The following PSMG2 variants were observed in gnomAD, a reference collection of about 807,000 sequenced individuals.
PSMG2 encodes the protein CD40 ligand-activated specific transcript 3.
PSMG2 carries 21 observed loss-of-function variants against 31.5 expected under a neutral mutation model. That is an observed-to-expected ratio of 0.67 (90% CI 0.47 to 0.96). The LOEUF is 0.96. PSMG2 is among the 40% of genes least tolerant of loss of function. PSMG2 has a pLI of 0.00. For missense variants in PSMG2, 318 were observed against 321.2 expected (o/e 0.99, Z 0.08); for synonymous variants, 120 against 110.4 (o/e 1.09, Z -0.54).
intron 1 of PSMG2, among the ~76,000 whole-genome samples, chr18:12,693,209 TATAAATATGACAGTGGAA>T (rs1476992819): frequency 1.3e-5 from 2 of 152,156 alleles, no homozygotes; most frequent in African/African-American, 2.4e-5. Flanking sequence ...CACTAGAAAT[TATAAATATGACAGTGGAA>T]ATATAAGAAA....
chr18:12,699,433 C>G (rs993328682), upstream of PSMG2, among the ~76,000 whole-genome samples: 1 of 152,128 alleles, frequency 6.6e-6, no homozygotes, highest in African/African-American at 2.4e-5. Context: ...CTACTTTCTC[C>G]CAGCTGGAAA....
chr18:12,703,023 T>C (rs373976110), upstream of PSMG2: 8 of 1,489,954 alleles, frequency 5.4e-6, no homozygotes, highest in Non-Finnish European at 7.3e-6. Context: ...CCCGCGAGGC[T>C]CCGGGGTCTC....
rs766707253 is a variant in PSMG2, at chr18:12,720,753, T to C, written c.581+70T>C. 2.7e-4 allele frequency: 401 copies of C among 1,468,532 alleles called. 1 individual carries two copies. The highest frequency in any genetic ancestry group is 2.7e-3 in the Middle Eastern group (15 of 5,660). 91.0% of individuals were successfully genotyped at this position (1,468,532 alleles called of 1,614,324 possible). On this transcript the variant is annotated intron_variant, in intron 5 of 6. Coordinates refer to ENST00000317615, the MANE Select transcript of PSMG2 (RefSeq NM_020232.5). ...ATGAAATTAATGCAGTGAGCTGAGATCGTGCCACTGCACTCTAGCCTGGGT... is the reference window on the plus strand; with the variant it reads ...ATGAAATTAATGCAGTGAGCTGAGACCGTGCCACTGCACTCTAGCCTGGGT...
rs3809919 is a variant in PSMG2 at position 12,703,193 on chromosome 18, C to T, written c.57+29C>T. ...AGTCTCCATTTGCGCTCGGGGCTGC[C>T]GCCTCCCGAGGCCCCTGCGGTGTCG... On this transcript the variant is annotated intron_variant, in intron 1 of 6. Transcript: ENST00000317615. The T allele has an allele frequency of 0.42, 673,133 of 1,588,906 alleles. 146,602 individuals are homozygous for T. The highest frequency in any genetic ancestry group is 0.45 in the Non-Finnish European group (530,242 of 1,168,130).
At chr18:12,676,485 G>C (rs896952869) in intron 1 of PSMG2, among the ~76,000 whole-genome samples, 3 of 151,742 alleles carry the variant, frequency 2.0e-5, no homozygotes, top group Non-Finnish European at 4.4e-5. Flanking sequence ...ACGTTGCCCA[G>C]GCTGGTCTTG....
chr18:12,703,259 T>C, intron 1 of PSMG2, 95 bp downstream of exon 1: 2 of 1,295,946 alleles, frequency 1.5e-6, no homozygotes, highest in Non-Finnish European at 2.1e-6. Context: ...TTGGGAGAAA[T>C]AGGGCACTAG....
intron 2 of PSMG2, among the ~76,000 whole-genome samples, chr18:12,708,592 A>C (rs2040293392): frequency 6.6e-6 from 1 of 151,902 alleles, no homozygotes; most frequent in African/African-American, 2.4e-5. Flanking sequence ...TTGAACTCCC[A>C]AAATCAGGTG....
intron 1 of PSMG2, chr18:12,697,200 CAAT>C: frequency 6.7e-7 from 1 of 1,501,052 alleles, no homozygotes; most frequent in Non-Finnish European, 9.1e-7. Context: ...AAAAGGTTAA[CAAT>C]GATATATTAA....
intron 1 of PSMG2, among the ~76,000 whole-genome samples, chr18:12,662,803 C>T (rs565628106): frequency 1.3e-4 from 19 of 151,710 alleles, no homozygotes; most frequent in African/African-American, 2.4e-4. Context: ...TTTTTTTTGA[C>T]GAAAAGTAGA....
rs2039251189 is a variant in PSMG2 at position 12,679,104 on chromosome 18, T to C, written c.-37+20331T>C. 4 of 152,082 alleles carry C rather than the reference T, an allele frequency of 2.6e-5. No homozygotes were observed. The South Asian group carries it at 8.3e-4, about 31-fold the overall frequency. 9.4% of individuals were successfully genotyped at this position (152,082 alleles called of 1,614,324 possible). A position where few individuals can be genotyped will look rare whatever the true frequency, so the allele number is the denominator to read the frequency against. ...AAAAGAGGGCCCAGGGCTGGGCCTC[T>C]AGAACACACACATTTAAAGACAAGA... is the stretch of plus-strand genomic sequence containing the variant. On this transcript the variant is annotated intron_variant, in intron 1 of 6. Coordinates refer to the PSMG2 transcript ENST00000585331.
intron 1 of PSMG2, chr18:12,672,817 A>G (rs2038981335): frequency 1.0e-6 from 1 of 984,018 alleles, no homozygotes; most frequent in South Asian, 4.7e-5. Flanking sequence ...TCTTGCTTCA[A>G]GGTCCAACCA....
At chr18:12,696,958 T>G (rs2039978496) in intron 1 of PSMG2, among the ~76,000 whole-genome samples, 1 of 152,162 alleles carries the variant, frequency 6.6e-6, no homozygotes, top group African/African-American at 2.4e-5. Flanking sequence ...AACTTGAAAT[T>G]AAAACCCTCA....
chr18:12,699,212 T>C, upstream of PSMG2: 1 of 1,573,222 alleles, frequency 6.4e-7, no homozygotes, highest in South Asian at 1.1e-5. Context: ...AGCTGTAAAG[T>C]GTAGCAATAT....
intron 1 of PSMG2, among the ~76,000 whole-genome samples, chr18:12,694,633 C>T (rs1193335090): frequency 2.6e-5 from 4 of 152,010 alleles, no homozygotes; most frequent in South Asian, 2.1e-4. Context: ...TAAACGCCTG[C>T]GAAAGAACGT....
chr18:12,658,760 C>T, exon 1 of PSMG2: 1 of 368,326 alleles, frequency 2.7e-6, no homozygotes, highest in Non-Finnish European at 5.6e-6. Flanking sequence ...TCCCTCTCCA[C>T]TCCCATCTTC....
chr18:12,705,546 AGAG>A (rs1200488302), intron 1 of PSMG2, among the ~76,000 whole-genome samples: 4 of 42,368 alleles, frequency 9.4e-5, no homozygotes, highest in Non-Finnish European at 2.1e-4. Context: ...CATGGGAAAA[AGAG>A]AGAGAGAGAG....
At position 12,678,699 on chromosome 18, in the gene PSMG2, T is replaced by C. The variant is rs114904587; in HGVS notation, c.-37+19926T>C. Reference sequence around the variant, plus strand: ...TGTTAAGATCAAAGGCCGGATGCGGTAGTCCCAGCACTTTGGGAGGCCGAG... The same window carrying C: ...TGTTAAGATCAAAGGCCGGATGCGGCAGTCCCAGCACTTTGGGAGGCCGAG... On this transcript the variant is annotated intron_variant, in intron 1 of 6. Transcript: ENST00000585331. 8.9e-3 allele frequency among the ~76,000 whole-genome samples: 1,348 copies of C among 152,250 alleles called. 28 individuals carry two copies. Among genetic ancestry groups the C allele is most frequent in the African/African-American group, 0.03 (1,240 of 41,540 alleles).
intron 1 of PSMG2, among the ~76,000 whole-genome samples, chr18:12,664,692 C>T (rs2038769640): frequency 6.6e-6 from 1 of 151,252 alleles, no homozygotes; most frequent in Admixed American, 6.6e-5. Context: ...GCTAATTTGT[C>T]CTGATCTTTT....
chr18:12,673,634 C>G, intron 1 of PSMG2: 1 of 613,116 alleles, frequency 1.6e-6, no homozygotes, highest in East Asian at 3.9e-5. Flanking sequence ...AATCCCAGCA[C>G]TTTGGGAGGC....
Sources: allele counts gnomAD v4.1 joint callset (sites outside exome capture counted in the v4.1 genomes callset), GRCh38; gene constraint gnomAD v4.1.1; transcripts MANE v1.5; gene names NCBI Gene and HGNC (gene_info 2026-07-23, HGNC 2026-07-21).